PUM1: variants seen among roughly 807,000 people sequenced by gnomAD.
PUM1 encodes the protein pumilio RNA binding family member 1.
In PUM1, 13 loss-of-function variants were observed where a neutral mutation model predicts 131.8. The ratio of observed to expected loss-of-function variants is 0.10; its 90% CI spans 0.06 to 0.16. The LOEUF is 0.16. PUM1 is among the 10% of genes least tolerant of loss of function. The probability of loss-of-function intolerance (pLI) is 1.00; values close to 1 mark genes in which losing one functional copy is unlikely to be tolerated. For synonymous variants in PUM1, 509 were observed against 556.5 expected, an observed-to-expected ratio of 0.91 and a Z score of 1.20; for missense variants, 961 against 1,512.4, an observed-to-expected ratio of 0.64 and a Z score of 6.05.
At chr1:31,014,156 G>A (rs1293529572) in intron 3 of PUM1, among the ~76,000 whole-genome samples, 2 of 151,874 alleles carry the variant, frequency 1.3e-5, no homozygotes, top group African/African-American at 2.4e-5. Flanking sequence ...AAAAAGCCAA[G>A]TGTGGTAGCA....
intron 3 of PUM1, among the ~76,000 whole-genome samples, chr1:31,024,497 T>C (rs1643152599): frequency 1.3e-5 from 2 of 152,248 alleles, no homozygotes; most frequent in Admixed American, 1.3e-4. Context: ...AAACTTGTTA[T>C]AATCAAGGGT....
Position 31,000,845 on chromosome 1 carries a change from T to G in PUM1, c.720+5008A>C, listed in dbSNP as rs534461160. 1.5e-3 allele frequency among the ~76,000 whole-genome samples: 226 copies of G among 152,350 alleles called. 2 individuals are homozygous for G. In the South Asian group the frequency reaches 0.038, roughly 26 times the overall value. ...ACTGAAATGTCTGATTCCTTTGAAG[T>G]ACAACAATGTCGAGCTCTACTGGTA... On this transcript the variant is annotated intron_variant, in intron 5 of 21. Transcript: ENST00000426105.
intron 3 of PUM1, among the ~76,000 whole-genome samples, chr1:31,021,023 T>C (rs1269962665): frequency 6.6e-6 from 1 of 152,210 alleles, no homozygotes; most frequent in Non-Finnish European, 1.5e-5. Flanking sequence ...CTGGTTACTG[T>C]ATATATAATG....
intron 20 of PUM1, among the ~76,000 whole-genome samples, chr1:30,937,297 C>T (rs1275189517): frequency 2.0e-5 from 3 of 152,168 alleles, no homozygotes; most frequent in Non-Finnish European, 2.9e-5. Flanking sequence ...ATTCTTTCCT[C>T]GCCTTTGTCA....
At chr1:31,051,128 A>G (rs531363025) in intron 2 of PUM1, 1 of 152,000 alleles carries the variant, frequency 6.6e-6, no homozygotes, top group African/African-American at 2.4e-5. Flanking sequence ...CTTTTTTAAT[A>G]CATAATAAAA....
chr1:30,932,660 TA>T lies in PUM1; in HGVS notation c.*550del, dbSNP rs57415128. 0.039 allele frequency: 5,710 copies of T among 147,038 alleles called. 341 individuals carry two copies. The highest frequency in any genetic ancestry group is 0.25 in the East Asian group (1,219 of 4,958). The allele number at this position is 147,038 out of a possible 1,614,324, so 9.1% of individuals were successfully genotyped here. A position where few individuals can be genotyped will look rare whatever the true frequency, so the allele number is the denominator to read the frequency against. On this transcript the variant is annotated 3_prime_UTR_variant, in exon 22 of 22. Transcript: ENST00000426105. ...TTCATTATATATATATATATATATA[TA>T]TATATTTTTTATAAACAGTGTTAAA...
intron 3 of PUM1, among the ~76,000 whole-genome samples, chr1:31,021,122 T>C (rs1194703082): frequency 6.6e-6 from 1 of 152,242 alleles, no homozygotes; most frequent in Non-Finnish European, 1.5e-5. Context: ...AAAAGATCCT[T>C]TATTTAAAAA....
rs150881724 is a variant in PUM1 at position 31,027,592 on chromosome 1, C to A, written c.432+1204G>T. Among the ~76,000 whole-genome samples the A allele has an allele frequency of 9.1e-3, 1,384 of 152,184 alleles. 14 individuals carry two copies. The highest frequency in any genetic ancestry group is 0.031 in the African/African-American group (1,298 of 41,488). ...AAAACAGACCAAAAATGCATGAACT[C>A]AAGATGATAGGACACTGGACTCTGT... On this transcript the variant is annotated intron_variant, in intron 3 of 21. Transcript: ENST00000426105.
At chr1:31,051,265 A>G (rs959444890) in intron 2 of PUM1, among the ~76,000 whole-genome samples, 4 of 151,790 alleles carry the variant, frequency 2.6e-5, no homozygotes, top group African/African-American at 9.7e-5. Flanking sequence ...AAAGAAAAAG[A>G]AGGTACAAGT....
chr1:31,009,104 A>C (rs1356184469), intron 3 of PUM1, among the ~76,000 whole-genome samples: 1 of 151,020 alleles, frequency 6.6e-6, no homozygotes, highest in East Asian at 1.9e-4. Flanking sequence ...ACTAGCTTGA[A>C]CCCAGGAGTG....
chr1:30,973,223 G>GT (rs377286266), intron 10 of PUM1: 1,742 of 69,522 alleles, frequency 0.025, 8 homozygotes, highest in East Asian at 0.039. Flanking sequence ...TTCAAGACCT[G>GT]TTTTTTTTTT....
intron 3 of PUM1, among the ~76,000 whole-genome samples, chr1:31,021,391 G>A: frequency 6.6e-6 from 1 of 152,076 alleles, no homozygotes; most frequent in East Asian, 1.9e-4. Flanking sequence ...GGATAGACAA[G>A]GATACCAATT....
chr1:30,995,735 C>T (rs141671634), intron 5 of PUM1, among the ~76,000 whole-genome samples: 5 of 152,234 alleles, frequency 3.3e-5, no homozygotes, highest in African/African-American at 1.2e-4. Flanking sequence ...TGTGGTCTAA[C>T]ATCATATCAA....
At chr1:30,981,488 A>T (rs941941394) in intron 7 of PUM1, 83 bp from the exon 8 acceptor site, 64 of 783,180 alleles carry the variant, frequency 8.2e-5, no homozygotes, top group Admixed American at 2.5e-4. Context: ...AAAAATTTTA[A>T]TAAGCACTTG....
At chr1:31,050,848 T>C in intron 2 of PUM1, 1 of 197,720 alleles carries the variant, frequency 5.1e-6, no homozygotes. Context: ...TTTCCTTTTG[T>C]CTCACTGCAC....
At chr1:31,014,522 G>A (rs1642740603) in intron 3 of PUM1, among the ~76,000 whole-genome samples, 1 of 150,780 alleles carries the variant, frequency 6.6e-6, no homozygotes, top group South Asian at 2.1e-4. Flanking sequence ...AAAGTTGAAA[G>A]TAGGCCTGTA....
At chr1:31,034,581 G>A (rs1334623095) in intron 2 of PUM1, among the ~76,000 whole-genome samples, 2 of 152,088 alleles carry the variant, frequency 1.3e-5, no homozygotes, top group Non-Finnish European at 2.9e-5. Context: ...AGAGACAAGG[G>A]ACTACAGTGC....
intron 2 of PUM1, among the ~76,000 whole-genome samples, chr1:31,037,661 T>C (rs972140861): frequency 5.3e-5 from 8 of 151,386 alleles, no homozygotes; most frequent in African/African-American, 1.5e-4. Context: ...CGGCCAAGAT[T>C]GCACCACTGC....
intron 21 of PUM1, among the ~76,000 whole-genome samples, chr1:30,933,722 C>G (rs1385722816): frequency 6.6e-6 from 1 of 152,230 alleles, no homozygotes; most frequent in East Asian, 1.9e-4. Flanking sequence ...CAAGCATGAG[C>G]ACAGGCCCCT....
Sources: allele counts gnomAD v4.1 joint callset (sites outside exome capture counted in the v4.1 genomes callset), GRCh38; gene constraint gnomAD v4.1.1; transcripts MANE v1.5; gene names NCBI Gene and HGNC (gene_info 2026-07-23, HGNC 2026-07-21).